The following PLCB1 variants were observed in gnomAD, a reference collection of about 807,000 sequenced individuals.
PLCB1 encodes phospholipase C beta 1.
PLCB1 carries 46 observed loss-of-function variants against 161.8 expected under a neutral mutation model. The ratio of observed to expected loss-of-function variants is 0.28; its 90% CI spans 0.22 to 0.36. The LOEUF is 0.36. Among genes scored for constraint, PLCB1 ranks in the 10% least tolerant of loss-of-function variants. PLCB1 has a pLI of 1.00. For missense variants in PLCB1, 1,016 were observed against 1,472.5 expected, an observed-to-expected ratio of 0.69 and a Z score of 5.07; for synonymous variants, 517 against 503.7, an observed-to-expected ratio of 1.03 and a Z score of -0.35.
chr20:8,605,730 T>A (rs942161214), intron 3 of PLCB1, among the ~76,000 whole-genome samples: 2 of 151,938 alleles, frequency 1.3e-5, no homozygotes, highest in African/African-American at 4.8e-5. Context: ...AGGCTTCTAG[T>A]GTACCCACCA....
chr20:8,159,415 TC>T lies in PLCB1; in HGVS notation c.177+9046del, dbSNP rs1331949250. ...TCCAACCCACAAAACCATTTTTTCC[TC>T]CTAGGCCTCTGGGCCTATGATGGGA... is the stretch of plus-strand genomic sequence containing the variant. On this transcript the variant is annotated intron_variant, in intron 2 of 31. Transcript: ENST00000338037. Among the ~76,000 whole-genome samples the T allele has an allele frequency of 4.6e-5, 7 of 152,186 alleles. No individual in the cohort carries two copies. The East Asian group carries it at 1.2e-3, about 25-fold the overall frequency.
chr20:8,787,699 A>G (rs1983556304), intron 27 of PLCB1, among the ~76,000 whole-genome samples: 1 of 152,378 alleles, frequency 6.6e-6, no homozygotes, highest in East Asian at 1.9e-4. Context: ...CTGGGCATCA[A>G]GTGAATATTA....
At chr20:8,354,742 A>G (rs1295944101) in intron 2 of PLCB1, among the ~76,000 whole-genome samples, 1 of 152,144 alleles carries the variant, frequency 6.6e-6, no homozygotes, top group East Asian at 1.9e-4. Flanking sequence ...TGTTTATTTT[A>G]TATATTATTT....
At chr20:8,255,326 A>G (rs1188605356) in intron 2 of PLCB1, among the ~76,000 whole-genome samples, 1 of 152,096 alleles carries the variant, frequency 6.6e-6, no homozygotes, top group Non-Finnish European at 1.5e-5. Flanking sequence ...CATATACACA[A>G]ACACACAGAT....
At chr20:8,444,462 G>C (rs1980720479) in intron 3 of PLCB1, among the ~76,000 whole-genome samples, 2 of 152,228 alleles carry the variant, frequency 1.3e-5, no homozygotes, top group Non-Finnish European at 2.9e-5. Context: ...TGGACATTTG[G>C]GTTGGTTCCA....
At chr20:8,403,897 A>T (rs1261755099) in intron 3 of PLCB1, among the ~76,000 whole-genome samples, 1 of 152,196 alleles carries the variant, frequency 6.6e-6, no homozygotes, top group Non-Finnish European at 1.5e-5. Context: ...TTTGTACTTG[A>T]GTATCCATTA....
chr20:8,769,921 G>T (rs1370703947), intron 26 of PLCB1, among the ~76,000 whole-genome samples: 1 of 151,900 alleles, frequency 6.6e-6, no homozygotes, highest in Non-Finnish European at 1.5e-5. Flanking sequence ...CTAATACTTG[G>T]GCTTTAAAAA....
chr20:8,424,764 T>G (rs1167854878), intron 3 of PLCB1, among the ~76,000 whole-genome samples: 3 of 152,164 alleles, frequency 2.0e-5, no homozygotes, highest in Admixed American at 6.6e-5. Context: ...TTGTCCAGGT[T>G]CTTGGCGTTT....
At chr20:8,441,659 T>C (rs1408421459) in intron 3 of PLCB1, among the ~76,000 whole-genome samples, 1 of 152,150 alleles carries the variant, frequency 6.6e-6, no homozygotes, top group Non-Finnish European at 1.5e-5. Flanking sequence ...GTGTGAAACA[T>C]AAGCAGTGAC....
intron 3 of PLCB1, among the ~76,000 whole-genome samples, chr20:8,570,521 T>C (rs1272871144): frequency 6.6e-6 from 1 of 152,018 alleles, no homozygotes; most frequent in African/African-American, 2.4e-5. Context: ...TTTTATTTAC[T>C]CATTCAGCTG....
chr20:8,614,584 CTGTGTGTGTGTGTGTGTGTG>C (rs71331317), intron 3 of PLCB1, among the ~76,000 whole-genome samples: 1 of 147,132 alleles, frequency 6.8e-6, no homozygotes. Flanking sequence ...ATGTAAAATT[CTGTGTGTGTGTGTGTGTGTG>C]TGTGTGTGTG....
chr20:8,487,991 A>G (rs779445671), intron 3 of PLCB1, among the ~76,000 whole-genome samples: 7 of 152,182 alleles, frequency 4.6e-5, no homozygotes, highest in Non-Finnish European at 8.8e-5. Context: ...CTATGCCAGC[A>G]CTGTCCAGGA....
intron 3 of PLCB1, among the ~76,000 whole-genome samples, chr20:8,495,560 GC>G (rs1983132253): frequency 1.2e-5 from 1 of 84,248 alleles, no homozygotes; most frequent in Non-Finnish European, 3.0e-5. Context: ...ACCATGGCCG[GC>G]TAATTTTTTG....
At chr20:8,775,213 T>G (rs1406514714) in intron 27 of PLCB1, among the ~76,000 whole-genome samples, 1 of 151,896 alleles carries the variant, frequency 6.6e-6, no homozygotes, top group Non-Finnish European at 1.5e-5. Context: ...TTCATAAGGC[T>G]CCCTATGAAA....
chr20:8,228,777 G>A (rs962296358), intron 2 of PLCB1, among the ~76,000 whole-genome samples: 37 of 151,824 alleles, frequency 2.4e-4, no homozygotes, highest in African/African-American at 8.5e-4. Flanking sequence ...TTTTTAATTG[G>A]CATATAATAA....
At chr20:8,820,702 C>G (rs1347488981) in intron 31 of PLCB1, among the ~76,000 whole-genome samples, 1 of 152,032 alleles carries the variant, frequency 6.6e-6, no homozygotes, top group Non-Finnish European at 1.5e-5. Context: ...GCAACACTCT[C>G]TGTACTAGAA....
chr20:8,644,787 A>G (rs1989108007), intron 4 of PLCB1, among the ~76,000 whole-genome samples: 1 of 151,962 alleles, frequency 6.6e-6, no homozygotes, highest in Non-Finnish European at 1.5e-5. Flanking sequence ...CTGGGAAGTG[A>G]GGGGCCCCTC....
intron 1 of PLCB1, among the ~76,000 whole-genome samples, chr20:8,138,990 T>C (rs2051375556): frequency 6.6e-6 from 1 of 151,436 alleles, no homozygotes; most frequent in South Asian, 2.1e-4. Flanking sequence ...TATATAAAAT[T>C]GGAAAAAAGT....
intron 2 of PLCB1, among the ~76,000 whole-genome samples, chr20:8,244,173 G>C (rs963593535): frequency 1.3e-5 from 2 of 151,868 alleles, no homozygotes; most frequent in Non-Finnish European, 2.9e-5. Flanking sequence ...GTGTAAATTG[G>C]CTACTACCAC....
Sources: gnomAD v4.1 joint callset for allele counts (sites outside exome capture counted in the v4.1 genomes callset) on GRCh38, gnomAD v4.1.1 for gene constraint, MANE v1.5 for transcripts, NCBI Gene and HGNC (gene_info 2026-07-23, HGNC 2026-07-21) for gene names.